CCDC3: variants seen among roughly 807,000 people sequenced by gnomAD.
CCDC3 encodes coiled-coil domain-containing protein 3.
Under a neutral mutation model 21.4 loss-of-function variants are expected in CCDC3, and 24 were observed. That is an observed-to-expected ratio of 1.12 (90% CI 0.81 to 1.58). The LOEUF is 1.58. Ranked by LOEUF, CCDC3 falls within the 40% of genes most tolerant of loss-of-function variation. The probability of loss-of-function intolerance (pLI) is 0.00; values close to 1 mark genes in which losing one functional copy is unlikely to be tolerated. For synonymous variants in CCDC3, 186 were observed against 166.0 expected, an observed-to-expected ratio of 1.12 and a Z score of -0.93; for missense variants, 425 against 360.9, an observed-to-expected ratio of 1.18 and a Z score of -1.44.
intron 4 of CCDC3, among the ~76,000 whole-genome samples, chr10:13,064,705 G>T (rs1019518251): frequency 6.6e-6 from 1 of 152,166 alleles, no homozygotes; most frequent in East Asian, 1.9e-4. Flanking sequence ...AGAATGGCGT[G>T]AACCTGGAAG....
chr10:12,998,639 A>G, intron 1 of CCDC3, 127 bp from the exon 2 acceptor site: 4 of 772,258 alleles, frequency 5.2e-6, no homozygotes. Flanking sequence ...GGCTCTCATT[A>G]GAGGAGTTAC....
chr10:12,917,733 C>T (rs867205105), intron 2 of CCDC3, among the ~76,000 whole-genome samples: 3 of 152,124 alleles, frequency 2.0e-5, no homozygotes, highest in Non-Finnish European at 2.9e-5. Flanking sequence ...CATTGCAACC[C>T]GAGTTTCATT....
At chr10:12,931,701 A>G (rs1430430065) in intron 2 of CCDC3, among the ~76,000 whole-genome samples, 2 of 152,078 alleles carry the variant, frequency 1.3e-5, no homozygotes, top group Non-Finnish European at 2.9e-5. Context: ...CCTCTCTAAT[A>G]TTTTCTGCTT....
rs544360981 is a variant in CCDC3 at position 13,001,516 on chromosome 10, C to T, written c.55G>A (p.Ala19Thr). The change falls in exon 1 of 3, where the codon GCG becomes ACG. Residue 19 changes from alanine (A) to threonine (T), a missense_variant. Coordinates refer to ENST00000378825, the MANE Select transcript of CCDC3 (RefSeq NM_031455.4). ...TCGGAGGGCAGCTGGCAGGCGCGCG[C>T]GGGCGCTGGGGGACCCGCCAGGCAG... Reference protein sequence around the residue: ...ALCLAGPPAPARACQLPSEWR... With the variant: ...ALCLAGPPAPTRACQLPSEWR... The T allele has an allele frequency of 1.2e-4, 164 of 1,323,236 alleles. 3 individuals are homozygous for T. The South Asian group carries it at 1.7e-3, about 14-fold the overall frequency. The allele number at this position is 1,323,236 out of a possible 1,614,324, so 82.0% of individuals were successfully genotyped here. A position where few individuals can be genotyped will look rare whatever the true frequency, so the allele number is the denominator to read the frequency against.
At chr10:12,979,477 C>T (rs1835464626) in intron 2 of CCDC3, among the ~76,000 whole-genome samples, 3 of 151,934 alleles carry the variant, frequency 2.0e-5, no homozygotes, top group Non-Finnish European at 2.9e-5. Context: ...ACTGCAGCCT[C>T]GACCTCCTTG....
intron 5 of CCDC3, among the ~76,000 whole-genome samples, chr10:13,030,300 T>C (rs1349778218): frequency 6.6e-6 from 1 of 152,188 alleles, no homozygotes; most frequent in Non-Finnish European, 1.5e-5. Context: ...CTGAGAGATT[T>C]TGTTACCACC....
At chr10:12,953,720 G>A (rs1835042599) in intron 2 of CCDC3, among the ~76,000 whole-genome samples, 1 of 152,194 alleles carries the variant, frequency 6.6e-6, no homozygotes, top group Admixed American at 6.5e-5. Flanking sequence ...GGGGCCTCGA[G>A]GCACTCGGCC....
intron 5 of CCDC3, among the ~76,000 whole-genome samples, chr10:13,011,009 G>A (rs572331246): frequency 5.9e-5 from 9 of 152,114 alleles, no homozygotes; most frequent in East Asian, 1.9e-4. Flanking sequence ...GTGAAACCCC[G>A]TCTCTACTAA....
intron 2 of CCDC3, among the ~76,000 whole-genome samples, chr10:12,919,790 C>T (rs1834420170): frequency 6.6e-6 from 1 of 152,308 alleles, no homozygotes; most frequent in Non-Finnish European, 1.5e-5. Context: ...TGGCATGCAG[C>T]TCCCAGGGAG....
intron 2 of CCDC3, among the ~76,000 whole-genome samples, chr10:12,908,837 C>T (rs571259464): frequency 1.1e-4 from 17 of 152,262 alleles, no homozygotes; most frequent in Admixed American, 9.8e-4. Flanking sequence ...GTGGTCCATC[C>T]GCCTTGGCCT....
chr10:13,040,277 C>T (rs938585414), intron 5 of CCDC3, among the ~76,000 whole-genome samples: 2 of 152,100 alleles, frequency 1.3e-5, no homozygotes, highest in African/African-American at 4.8e-5. Flanking sequence ...TTAAATTCCA[C>T]GAAGAATTTA....
chr10:12,926,391 GACAA>G (rs1341399993), intron 2 of CCDC3, among the ~76,000 whole-genome samples: 1 of 152,180 alleles, frequency 6.6e-6, no homozygotes, highest in African/African-American at 2.4e-5. Flanking sequence ...GAGGGCCAGA[GACAA>G]ACAGTCAGGG....
intron 3 of CCDC3, among the ~76,000 whole-genome samples, chr10:13,079,059 C>A (rs926897311): frequency 6.6e-6 from 1 of 152,092 alleles, no homozygotes; most frequent in African/African-American, 2.4e-5. Flanking sequence ...TGTGTTGTCA[C>A]CATTATTCCA....
intron 2 of CCDC3, among the ~76,000 whole-genome samples, chr10:12,922,218 G>T (rs954015385): frequency 6.6e-6 from 1 of 152,146 alleles, no homozygotes; most frequent in Admixed American, 6.5e-5. Context: ...CATGAGTGCC[G>T]TGTTTGTGAA....
chr10:13,018,759 C>T (rs12265706), intron 5 of CCDC3, among the ~76,000 whole-genome samples: 40,963 of 151,288 alleles, frequency 0.27, 6,658 homozygotes, highest in Non-Finnish European at 0.36. Flanking sequence ...GGCGAAACCC[C>T]GTCTCTACTA....
intron 2 of CCDC3, among the ~76,000 whole-genome samples, chr10:12,965,070 G>A (rs1589023944): frequency 1.3e-5 from 2 of 152,156 alleles, no homozygotes; most frequent in African/African-American, 2.4e-5. Flanking sequence ...TCACAGGAGA[G>A]GAGAATGGAG....
intron 5 of CCDC3, among the ~76,000 whole-genome samples, chr10:13,048,050 C>T (rs917685444): frequency 8.6e-5 from 13 of 152,032 alleles, no homozygotes; most frequent in African/African-American, 2.2e-4. Flanking sequence ...GCACCTCACG[C>T]GCAATGTAAG....
Position 12,933,789 on chromosome 10 carries a change from A to C in CCDC3, c.550-35110T>G, listed in dbSNP as rs147009192. ...TTCTTTTATTATCCTTTAAATGTCC[A>C]TGGGATCTGTAGTGATGGCCCCTCT... On this transcript the variant is annotated intron_variant, in intron 2 of 2. Coordinates refer to ENST00000378825, the MANE Select transcript of CCDC3 (RefSeq NM_031455.4). 2.0e-3 allele frequency among the ~76,000 whole-genome samples: 302 copies of C among 152,236 alleles called. 1 individual carries two copies. Among genetic ancestry groups the C allele is most frequent in the Middle Eastern group, 3.4e-3 (1 of 294 alleles).
Position 12,898,396 on chromosome 10 carries a change from C to T in CCDC3, c.*20G>A. On this transcript the variant is annotated 3_prime_UTR_variant, in exon 3 of 3. Coordinates refer to ENST00000378825, the MANE Select transcript of CCDC3 (RefSeq NM_031455.4). ...TTACCGTCAGGATTGGCCCTGCACACCTGGCAGCCCCCAGGCCCGTTACCC... is the reference window on the plus strand; with the variant it reads ...TTACCGTCAGGATTGGCCCTGCACATCTGGCAGCCCCCAGGCCCGTTACCC... 1 of 1,572,260 alleles carries T rather than the reference C, an allele frequency of 6.4e-7. No homozygotes were observed. Among genetic ancestry groups the T allele is most frequent in the Non-Finnish European group, 8.6e-7 (1 of 1,158,678 alleles).
Sources: allele counts gnomAD v4.1 joint callset (sites outside exome capture counted in the v4.1 genomes callset), GRCh38; gene constraint gnomAD v4.1.1; transcripts MANE v1.5; gene names NCBI Gene and HGNC (gene_info 2026-07-23, HGNC 2026-07-21).